ARHGAP29: variants seen among roughly 807,000 people sequenced by gnomAD.
The protein encoded by ARHGAP29 is Rho GTPase activating protein 29, also known as rho GTPase-activating protein 29.
In ARHGAP29, 43 loss-of-function variants were observed where a neutral mutation model predicts 122.6. That is an observed-to-expected ratio of 0.35 (90% CI 0.27 to 0.45). ARHGAP29 has a LOEUF of 0.45. ARHGAP29 is among the 20% of genes least tolerant of loss of function. ARHGAP29 has a pLI of 1.00. For missense variants in ARHGAP29, 1,303 were observed against 1,477.2 expected, an observed-to-expected ratio of 0.88 and a Z score of 1.93; for synonymous variants, 506 against 497.1, an observed-to-expected ratio of 1.02 and a Z score of -0.24.
Position 94,173,819 on chromosome 1 carries a change from T to C in ARHGAP29, c.*50A>G, listed in dbSNP as rs761956442. ...ACATTCTTTCACAAAACAAGCACAA[T>C]ACCACAAAATAACACAACAACAACA... is the stretch of plus-strand genomic sequence containing the variant. On this transcript the variant is annotated 3_prime_UTR_variant, in exon 23 of 23. Coordinates refer to ENST00000260526, the MANE Select transcript of ARHGAP29 (RefSeq NM_004815.4). 22 of 1,539,110 alleles carry C rather than the reference T, an allele frequency of 1.4e-5. No individual in the cohort carries two copies. Among genetic ancestry groups the C allele is most frequent in the Non-Finnish European group, 1.0e-5 (12 of 1,143,866 alleles).
In ARHGAP29 at chr1:94,179,865, T is replaced by G; in HGVS notation, c.2340A>C (p.Lys780Asn). Residue 780 changes from lysine (K) to asparagine (N), a missense_variant, in exon 20 of 23, where the codon AAA becomes AAC. By Grantham distance (94) the Lys-to-Asn change is moderately conservative (BLOSUM62 0). This residue lies in a region of ARHGAP29 where 620 missense variants were observed against 651.2 expected (regional missense o/e 0.95). Coordinates refer to ENST00000260526, the MANE Select transcript of ARHGAP29 (RefSeq NM_004815.4). Reference sequence around the variant, plus strand: ...ATTTTTTGTCTTCAAGACTATTCTTTTTTGTCTCTTGTTCTTCATTTACAT... The same window carrying G: ...ATTTTTTGTCTTCAAGACTATTCTTGTTTGTCTCTTGTTCTTCATTTACAT... ...IQHVNEEQET[K>N]KNSLEDKKWP... 6.2e-7 allele frequency: 1 copy of G among 1,613,376 alleles called. No individual in the cohort carries two copies. The highest frequency in any genetic ancestry group is 8.5e-7 in the Non-Finnish European group (1 of 1,179,672).
At chr1:94,217,967 T>C (rs1023164775) in intron 3 of ARHGAP29, among the ~76,000 whole-genome samples, 1 of 152,164 alleles carries the variant, frequency 6.6e-6, no homozygotes, top group African/African-American at 2.4e-5. Flanking sequence ...ACTGTACATT[T>C]ATAGGTTTTA....
At chr1:94,204,067 G>T (rs1264232466) in intron 7 of ARHGAP29, 73 bp from the exon 8 acceptor site, 3 of 1,149,976 alleles carry the variant, frequency 2.6e-6, no homozygotes, top group South Asian at 1.3e-5. Flanking sequence ...AAAATTACTT[G>T]TAGTAATTCC....
chr1:94,247,217 A>G (rs887892354), intron 1 of ARHGAP29, among the ~76,000 whole-genome samples: 5 of 152,100 alleles, frequency 3.3e-5, no homozygotes, highest in African/African-American at 1.2e-4. Context: ...CAATGGGGTA[A>G]GGGTAAAGGA....
rs371466416 is a variant in ARHGAP29 at position 94,234,336 on chromosome 1, ACT to A, written c.-32-2695_-32-2694del. The stretch of plus-strand genomic sequence containing the variant: ...ATTAATTTTTATAGAAACAAAAATA[ACT>A]CTGGGTTGTTGCAATGTTTTGAAGT... On this transcript the variant is annotated intron_variant, in intron 1 of 22. Coordinates refer to ENST00000260526, the MANE Select transcript of ARHGAP29 (RefSeq NM_004815.4). 4.7e-4 allele frequency among the ~76,000 whole-genome samples: 71 copies of A among 152,314 alleles called. 2 individuals are homozygous for A. The East Asian group carries it at 9.8e-3, about 21-fold the overall frequency.
intron 14 of ARHGAP29, 124 bp from the exon 15 acceptor site, chr1:94,189,065 C>G (rs768954132): frequency 1.6e-4 from 213 of 1,334,886 alleles, no homozygotes; most frequent in Non-Finnish European, 2.1e-4. Context: ...AACGTTAAGA[C>G]AGGCACCATG....
intron 5 of ARHGAP29, among the ~76,000 whole-genome samples, 189 bp from the exon 6 acceptor site, chr1:94,205,872 A>G (rs1326561103): frequency 6.6e-6 from 1 of 152,210 alleles, no homozygotes; most frequent in Non-Finnish European, 1.5e-5. Context: ...GCTTTTTACA[A>G]CAGGAGTTCC....
upstream of ARHGAP29, among the ~76,000 whole-genome samples, chr1:94,242,321 C>G (rs1322006421): frequency 6.6e-6 from 1 of 152,116 alleles, no homozygotes; most frequent in Non-Finnish European, 1.5e-5. Context: ...AAACTATACT[C>G]TAGCCACACC....
intron 1 of ARHGAP29, among the ~76,000 whole-genome samples, chr1:94,265,515 C>T (rs1436026471): frequency 1.3e-5 from 2 of 152,148 alleles, no homozygotes; most frequent in Non-Finnish European, 2.9e-5. Flanking sequence ...AGGGACATAC[C>T]TTGGGAAGGA....
intron 1 of ARHGAP29, among the ~76,000 whole-genome samples, chr1:94,256,684 G>C (rs894057937): frequency 1.3e-5 from 2 of 149,610 alleles, no homozygotes; most frequent in Non-Finnish European, 3.0e-5. Flanking sequence ...TCAGCCTCCC[G>C]AGTAGCTGGG....
chr1:94,237,275 A>G (rs542769647), intron 1 of ARHGAP29, 140 bp downstream of exon 1: 2 of 534,498 alleles, frequency 3.7e-6, no homozygotes, highest in Non-Finnish European at 4.8e-6. Flanking sequence ...TCCCTAGCGC[A>G]GCCTGCCACC....
chr1:94,290,530 G>C, the ARHGAP29 span, among the ~76,000 whole-genome samples: 1 of 152,278 alleles, frequency 6.6e-6, no homozygotes, highest in East Asian at 1.9e-4. Flanking sequence ...ATCAATTTTA[G>C]ATCTTTCCTG....
At chr1:94,234,281 C>T (rs1653114994) in intron 1 of ARHGAP29, among the ~76,000 whole-genome samples, 1 of 152,152 alleles carries the variant, frequency 6.6e-6, no homozygotes, top group Non-Finnish European at 1.5e-5. Context: ...GAACTATCTG[C>T]AGATAGGCTT....
intron 1 of ARHGAP29, among the ~76,000 whole-genome samples, chr1:94,262,841 C>T (rs1219701926): frequency 6.6e-6 from 1 of 151,828 alleles, no homozygotes; most frequent in Admixed American, 6.6e-5. Flanking sequence ...AAGACAATTT[C>T]TGTAAGATCT....
the ARHGAP29 span, among the ~76,000 whole-genome samples, chr1:94,285,796 A>G: frequency 6.8e-6 from 1 of 147,614 alleles, no homozygotes. Context: ...AATCACTTGA[A>G]CCCGGGAGGC....
intron 12 of ARHGAP29, among the ~76,000 whole-genome samples, chr1:94,196,552 C>T (rs1367395566): frequency 6.6e-6 from 1 of 152,098 alleles, no homozygotes; most frequent in Non-Finnish European, 1.5e-5. Flanking sequence ...TGAGCCACCG[C>T]GCCCGGCCCC....
chr1:94,233,362 G>C (rs1333208014), intron 1 of ARHGAP29, among the ~76,000 whole-genome samples: 1 of 151,744 alleles, frequency 6.6e-6, no homozygotes, highest in East Asian at 1.9e-4. Context: ...TTTTCTTTCT[G>C]ATCTACAGGG....
chr1:94,182,055 A>C (rs148734804), intron 19 of ARHGAP29, among the ~76,000 whole-genome samples: 6 of 152,148 alleles, frequency 3.9e-5, no homozygotes, highest in Non-Finnish European at 8.8e-5. Flanking sequence ...TGTGGCTCAC[A>C]TTATATTTCT....
chr1:94,174,581 A>G lies in ARHGAP29; in HGVS notation c.3074T>C (p.Leu1025Pro), dbSNP rs762553075. ...CTCATTAGGAGGACTTGCAAGAAGT[A>G]GTCTATCTACAGGCAAACTTACAGG... ...IRPVSLPVDR[L>P]LLASPPNERN... The change falls in exon 23 of 23, where the codon CTA (leucine) becomes CCA (proline). Residue 1025 changes from leucine (L) to proline (P), a missense_variant. By Grantham distance (98) the Leu-to-Pro change is moderately conservative. Transcript: ENST00000260526. The G allele has an allele frequency of 6.2e-7, 1 of 1,614,216 alleles. No individual in the cohort carries two copies. The highest frequency in any genetic ancestry group is 1.1e-5 in the South Asian group (1 of 91,090).
Sources: allele counts gnomAD v4.1 joint callset (sites outside exome capture counted in the v4.1 genomes callset), GRCh38; gene constraint gnomAD v4.1.1; regional missense constraint gnomAD v4.1.1; transcripts MANE v1.5; gene names NCBI Gene and HGNC (gene_info 2026-07-23, HGNC 2026-07-21).